MCF2L: variants seen among roughly 807,000 people sequenced by gnomAD.
MCF2L encodes the protein MCF.2 cell line derived transforming sequence like.
Under a neutral mutation model 153.4 loss-of-function variants are expected in MCF2L, and 97 were observed. The observed-to-expected ratio is 0.63, with a 90% confidence interval of 0.54 to 0.75. The LOEUF (loss-of-function observed/expected upper bound fraction) is 0.75. Among genes scored for constraint, MCF2L ranks in the 30% least tolerant of loss-of-function variants. MCF2L has a pLI of 0.00. For missense variants in MCF2L, 1,347 were observed against 1,495.2 expected, an observed-to-expected ratio of 0.90 and a Z score of 1.64; for synonymous variants, 659 against 632.2, an observed-to-expected ratio of 1.04 and a Z score of -0.64.
intron 2 of MCF2L, among the ~76,000 whole-genome samples, chr13:113,021,771 G>T (rs1184576213): frequency 6.6e-6 from 1 of 152,212 alleles, no homozygotes; most frequent in South Asian, 2.1e-4. Flanking sequence ...GGGAGCTTTG[G>T]CGCCTGCTTT....
At chr13:113,059,109 T>C (rs2030923926) in intron 4 of MCF2L, among the ~76,000 whole-genome samples, 1 of 152,164 alleles carries the variant, frequency 6.6e-6, no homozygotes. Context: ...CTAAGTGAGG[T>C]CCCAGCCACT....
intron 1 of MCF2L, among the ~76,000 whole-genome samples, chr13:112,895,654 C>T (rs2081060161): frequency 6.6e-6 from 1 of 152,178 alleles, no homozygotes; most frequent in Non-Finnish European, 1.5e-5. Context: ...CCCCGGGAGC[C>T]TGTGGAGCCC....
In MCF2L at chr13:113,074,400, G is replaced by C. The variant is rs1470259094; in HGVS notation, c.997-44G>C. ...CACTGGAGTGGGTTCTCTCTGTTCA[G>C]GTGAGGGAGACACCCCCCTGAGATG... On this transcript the variant is annotated intron_variant, in intron 9 of 29. Transcript: ENST00000535094. The surrounding 1 kb of genome is among the most constrained non-coding windows in gnomAD (Gnocchi z 4.2). 1.3e-6 allele frequency: 2 copies of C among 1,599,380 alleles called. No individual in the cohort carries two copies. The highest frequency in any genetic ancestry group is 1.1e-5 in the South Asian group (1 of 90,794).
intron 1 of MCF2L, among the ~76,000 whole-genome samples, chr13:112,976,225 A>C (rs2082210300): frequency 6.7e-6 from 1 of 149,562 alleles, no homozygotes; most frequent in Non-Finnish European, 1.5e-5. Context: ...TTACTCCTTT[A>C]TTAATAATGT....
chr13:112,977,994 A>G (rs1299310082), intron 1 of MCF2L, among the ~76,000 whole-genome samples: 1 of 152,204 alleles, frequency 6.6e-6, no homozygotes, highest in Non-Finnish European at 1.5e-5. Context: ...GAATTGCCTG[A>G]ACCCAGGAGG....
chr13:113,063,741 G>A (rs1042483502), intron 5 of MCF2L: 35 of 424,656 alleles, frequency 8.2e-5, no homozygotes, highest in Non-Finnish European at 1.4e-4. Flanking sequence ...CGGGGCCACT[G>A]TTCTCCCTCA....
At chr13:113,022,985 A>C (rs2084988247) in intron 2 of MCF2L, among the ~76,000 whole-genome samples, 1 of 152,250 alleles carries the variant, frequency 6.6e-6, no homozygotes, top group Non-Finnish European at 1.5e-5. Flanking sequence ...GGCAGAGGTC[A>C]AGAGCCCTCG....
rs184415039 is a variant in MCF2L at position 113,038,889 on chromosome 13, G to A, written c.279-6382G>A. 6.2e-3 allele frequency among the ~76,000 whole-genome samples: 942 copies of A among 152,228 alleles called. 12 individuals are homozygous for A. The highest frequency in any genetic ancestry group is 0.021 in the African/African-American group (873 of 41,520). On this transcript the variant is annotated intron_variant, in intron 3 of 29. Coordinates refer to ENST00000535094, the MANE Select transcript of MCF2L (RefSeq NM_001112732.3). Reference sequence around the variant, plus strand: ...TTATTTATTTTTGAGGCGGAGTCTCGCTGTGTCACCCAGGCTGGAGTGCAA... The same window carrying A: ...TTATTTATTTTTGAGGCGGAGTCTCACTGTGTCACCCAGGCTGGAGTGCAA...
chr13:113,040,847 G>T (rs558256352), intron 3 of MCF2L: 1 of 152,248 alleles, frequency 6.6e-6, no homozygotes, highest in Admixed American at 6.5e-5. Flanking sequence ...GGTTGCACCC[G>T]CAGGCCAGTG....
At chr13:112,967,109 G>A, upstream of MCF2L, among the ~76,000 whole-genome samples, 1 of 151,194 alleles carries the variant, frequency 6.6e-6, no homozygotes, top group Non-Finnish European at 1.5e-5. Context: ...AGTGGAAAGG[G>A]CAGGGCCTGC....
chr13:113,090,660 C>T (rs942876654), intron 26 of MCF2L: 9 of 985,370 alleles, frequency 9.1e-6, no homozygotes, highest in African/African-American at 1.7e-5. Flanking sequence ...GGGAAATGGG[C>T]CCAGGAGGCC....
chr13:113,075,510 T>G (rs969792943), intron 11 of MCF2L, among the ~76,000 whole-genome samples: 1 of 152,056 alleles, frequency 6.6e-6, no homozygotes, highest in Non-Finnish European at 1.5e-5. Context: ...ATTTTGTGTG[T>G]GTGTGATAGA....
In MCF2L at chr13:113,046,505, G is replaced by C; in HGVS notation, c.369+1144G>C. 2 of 528,542 alleles carry C rather than the reference G, an allele frequency of 3.8e-6. No individual in the cohort carries two copies. Among genetic ancestry groups the C allele is most frequent in the South Asian group, 2.8e-5 (2 of 71,362 alleles). 32.7% of individuals were successfully genotyped at this position (528,542 alleles called of 1,614,324 possible). On this transcript the variant is annotated intron_variant, in intron 4 of 29. Coordinates refer to ENST00000535094, the MANE Select transcript of MCF2L (RefSeq NM_001112732.3). This position sits in a 1 kb window ranked among gnomAD's most constrained non-coding sequence, Gnocchi z 4.4. ...CTACCTTTGGGTTCCCCAGCCTCTC[G>C]GTGGCTGCTGGCTGGTGCGCCAAGG...
chr13:112,981,817 G>C (rs2082438785), intron 1 of MCF2L, among the ~76,000 whole-genome samples: 1 of 152,260 alleles, frequency 6.6e-6, no homozygotes, highest in Admixed American at 6.5e-5. Context: ...CACCTGGCAT[G>C]GACGCCTGGG....
At position 112,986,620 on chromosome 13, in the gene MCF2L, C is replaced by T. The variant is rs956017803; in HGVS notation, c.79+17162C>T. Among the ~76,000 whole-genome samples the T allele has an allele frequency of 6.6e-5, 10 of 152,338 alleles. No individual in the cohort carries two copies. The East Asian group carries it at 9.7e-4, about 15-fold the overall frequency. The stretch of plus-strand genomic sequence containing the variant: ...CTGGGCCCCCTGGTTAGGACAGAAA[C>T]GCAAGAGCCACGCAAACCTCTCTGT... On this transcript the variant is annotated intron_variant, in intron 1 of 29. Coordinates refer to ENST00000535094, the MANE Select transcript of MCF2L (RefSeq NM_001112732.3).
rs1208036745 is a variant in MCF2L at position 113,070,521 on chromosome 13, C to T, written c.996+348C>T. On this transcript the variant is annotated intron_variant, in intron 9 of 29. Coordinates refer to ENST00000535094, the MANE Select transcript of MCF2L (RefSeq NM_001112732.3). The surrounding 1 kb of genome is among the most constrained non-coding windows in gnomAD (Gnocchi z 5.6). ...CATGTAGGATGTGCCTGCTGTGTGC[C>T]AGACTGTAGGACGGCGTCACAGTCA... is the stretch of plus-strand genomic sequence containing the variant. 5.6e-6 allele frequency: 1 copy of T among 178,206 alleles called. No homozygotes were observed. The highest frequency in any genetic ancestry group is 1.2e-5 in the Non-Finnish European group (1 of 85,770). The allele number at this position is 178,206 out of a possible 1,614,324, so 11.0% of individuals were successfully genotyped here.
chr13:113,022,976 G>C (rs913636384), intron 2 of MCF2L, among the ~76,000 whole-genome samples: 6 of 152,246 alleles, frequency 3.9e-5, no homozygotes, highest in Non-Finnish European at 8.8e-5. Flanking sequence ...AGAGACGGGG[G>C]CAGAGGTCAA....
intron 2 of MCF2L, among the ~76,000 whole-genome samples, chr13:112,946,894 G>C (rs185217776): frequency 2.8e-4 from 43 of 152,288 alleles, no homozygotes; most frequent in East Asian, 1.2e-3. Flanking sequence ...CAACTCTGAG[G>C]GGGGGAGGAG....
chr13:112,979,844 G>T, intron 1 of MCF2L: 1 of 1,289,330 alleles, frequency 7.8e-7, no homozygotes, highest in South Asian at 1.5e-5. Flanking sequence ...TGCCTCCCTG[G>T]GGTATTTCTC....
Sources: gnomAD v4.1 joint callset for allele counts (sites outside exome capture counted in the v4.1 genomes callset) on GRCh38, gnomAD v4.1.1 for gene constraint, Gnocchi (gnomAD v3.1) non-coding constraint, MANE v1.5 for transcripts, NCBI Gene and HGNC (gene_info 2026-07-23, HGNC 2026-07-21) for gene names.